ZP1: variants seen among roughly 807,000 people sequenced by gnomAD.
The protein encoded by ZP1 is zona pellucida glycoprotein 1, also known as zona pellucida sperm-binding protein 1.
A neutral mutation model predicts 67.4 loss-of-function variants in ZP1; 58 were observed. That is an observed-to-expected ratio of 0.86 (90% CI 0.70 to 1.07). The LOEUF is 1.07. Among genes scored for constraint, ZP1 ranks in the 50% least tolerant of loss-of-function variants. ZP1 has a pLI of 0.00. For missense variants in ZP1, 759 were observed against 807.3 expected (o/e 0.94, Z 0.72); for synonymous variants, 333 against 332.7 (o/e 1.00, Z -0.01).
Position 60,873,298 on chromosome 11 carries a change from T to C in ZP1, c.1240+9T>C, listed in dbSNP as rs1206019935. The C allele has an allele frequency of 6.3e-7, 1 of 1,582,510 alleles. No individual in the cohort carries two copies. The highest frequency in any genetic ancestry group is 8.6e-7 in the Non-Finnish European group (1 of 1,159,958). On this transcript the variant is annotated intron_variant, in intron 7 of 11. Transcript: ENST00000278853. The stretch of plus-strand genomic sequence containing the variant: ...GCTGCGGATTGCCAAAGGTATGCTA[T>C]GCTATCCCTGCTCTCTTCTGGCCCC...
chr11:60,874,575 G>T (rs111434902), intron 9 of ZP1, among the ~76,000 whole-genome samples: 1 of 152,222 alleles, frequency 6.6e-6, no homozygotes, highest in African/African-American at 2.4e-5. Flanking sequence ...CAGGTGGAAG[G>T]GAGAGAGCCA....
rs1472148386 is a variant in ZP1 at position 60,873,289 on chromosome 11, G to T, written c.1240G>T (p.Asp414Tyr). 1.3e-6 allele frequency: 2 copies of T among 1,582,966 alleles called. No homozygotes were observed. The highest frequency in any genetic ancestry group is 2.3e-5 in the East Asian group (1 of 44,430). The change falls in exon 7 of 12, where the codon GAC (aspartate) becomes TAC (tyrosine). Residue 414 changes from aspartate (D) to tyrosine (Y), a missense_variant and splice_region_variant. Transcript: ENST00000278853. ...GCGGCTTGAGCTGCGGATTGCCAAA[G>T]GTATGCTATGCTATCCCTGCTCTCT... Reference protein sequence around the residue: ...PLRLELRIAKDETFSSYYGED... With the variant: ...PLRLELRIAKYETFSSYYGED...
intron 9 of ZP1, among the ~76,000 whole-genome samples, chr11:60,874,479 G>C (rs1045468289): frequency 3.9e-5 from 6 of 152,190 alleles, no homozygotes; most frequent in African/African-American, 1.4e-4. Context: ...TGGTCTCCAG[G>C]GGTCACAAAG....
rs1855680767 is a variant in ZP1, at chr11:60,875,250, T to C, written c.1774+2T>C. 6.2e-7 allele frequency: 1 copy of C among 1,610,074 alleles called. No homozygotes were observed. Among genetic ancestry groups the C allele is most frequent in the Non-Finnish European group, 8.5e-7 (1 of 1,179,446 alleles). ...AGGAGCCCACACTTGGGCCCACAGG[T>C]AGGAGGGCTTCTGGGTGGGCCCCTC... On this transcript the variant is annotated splice_donor_variant, in intron 11 of 11. Coordinates refer to ENST00000278853, the MANE Select transcript of ZP1 (RefSeq NM_207341.4). LOFTEE classifies it high-confidence loss of function.
chr11:60,868,424 G>C (rs1029232871), intron 1 of ZP1, among the ~76,000 whole-genome samples: 4 of 152,344 alleles, frequency 2.6e-5, no homozygotes, highest in Non-Finnish European at 5.9e-5. Context: ...GCAGGACCTA[G>C]TAGGCGTGGC....
rs757136697 is a variant in ZP1, at chr11:60,871,099, C to T, written c.969C>T (p.Phe323=). The change falls in exon 5 of 12, where the codon TTC becomes TTT. Residue 323 remains phenylalanine (F), a synonymous_variant. Transcript: ENST00000278853. ...CCCCAACACAGCACACGGAAGCTTT[C>T]GTGGTCTTCTACTTCCCTCTCACCC... ...SCSPTQHTEA[F]VVFYFPLTHC... is the part of the protein sequence containing the mutation. 109 of 1,614,076 alleles carry T rather than the reference C, an allele frequency of 6.8e-5. No individual in the cohort carries two copies. Among genetic ancestry groups the T allele is most frequent in the South Asian group, 1.8e-4 (16 of 91,080 alleles).
In ZP1 at chr11:60,869,016, C is replaced by T. The variant is rs148036719; in HGVS notation, c.197-129C>T. On this transcript the variant is annotated intron_variant, in intron 1 of 11. Transcript: ENST00000278853. ...AGGGGGCTTGCCCAAGACCACACAA[C>T]AAACTAATAGCAAAGCTAAGGCAAG... The T allele has an allele frequency of 1.1e-5, 12 of 1,138,280 alleles. No homozygotes were observed. In the Admixed American group the frequency reaches 2.8e-4, roughly 27 times the overall value. The allele number at this position is 1,138,280 out of a possible 1,614,324, so 70.5% of individuals were successfully genotyped here. A position where few individuals can be genotyped will look rare whatever the true frequency, so the allele number is the denominator to read the frequency against.
In ZP1 at chr11:60,870,417, G is replaced by C; in HGVS notation, c.768G>C (p.Gln256His). The C allele has an allele frequency of 6.2e-7, 1 of 1,613,460 alleles. No individual in the cohort carries two copies. The highest frequency in any genetic ancestry group is 8.5e-7 in the Non-Finnish European group (1 of 1,179,752). ...IVRRTSKEAC[Q>H]QAGCCYDNTR... ...GAAGAACTTCAAAAGAAGCCTGTCA[G>C]CAGGCTGGCTGCTGCTATGACAACA... Residue 256 changes from glutamine to histidine, a missense_variant, in exon 4 of 12, where the codon CAG becomes CAC. Transcript: ENST00000278853.
chr11:60,872,877 G>GC (rs954572963), intron 6 of ZP1, among the ~76,000 whole-genome samples: 75 of 152,274 alleles, frequency 4.9e-4, no homozygotes, highest in African/African-American at 1.5e-3. Context: ...CAAGGTGCCA[G>GC]CCCCCCGAGG....
rs780866828 is a variant in ZP1, at chr11:60,871,224, G to A, written c.1022G>A (p.Gly341Asp). 1.2e-6 allele frequency: 2 copies of A among 1,614,034 alleles called. No individual in the cohort carries two copies. ...AGCTGTCTCTTCCTACAGGTGGCTG[G>A]CGACCAGCTCATCTATGAGAACTGG... ...THCGTTMQVA[G>D]DQLIYENWLV... The change falls in exon 6 of 12, where the codon GGC (glycine) becomes GAC (aspartate). Residue 341 changes from glycine to aspartate, a missense_variant. Transcript: ENST00000278853.
intron 3 of ZP1, 110 bp downstream of exon 3, chr11:60,870,010 C>A: frequency 7.6e-7 from 1 of 1,320,846 alleles, no homozygotes; most frequent in Non-Finnish European, 1.0e-6. Context: ...TTGTTTTTTT[C>A]TTTTTTTAGA....
chr11:60,874,671 C>A (rs1393808677), intron 9 of ZP1, among the ~76,000 whole-genome samples: 1 of 152,242 alleles, frequency 6.6e-6, no homozygotes, highest in Non-Finnish European at 1.5e-5. Context: ...CGGTGGTCCC[C>A]GCCTGCAGGG....
intron 4 of ZP1, 85 bp downstream of exon 4, chr11:60,870,560 C>G: frequency 6.7e-7 from 1 of 1,502,674 alleles, no homozygotes; most frequent in South Asian, 1.4e-5. Context: ...GTGGAAACTG[C>G]TTCCTATCCT....
intron 5 of ZP1, 28 bp from the exon 6 acceptor site, chr11:60,871,189 A>G (rs964589635): frequency 6.2e-7 from 1 of 1,614,000 alleles, no homozygotes. Flanking sequence ...CCCACCAGAA[A>G]GCCTCACCCA....
chr11:60,873,581 TC>T lies in ZP1; in HGVS notation c.1430+23del, dbSNP rs759882388. ...GTCAGACGGGTGAGTGCCCCCACAC[TC>T]CCCCCACCTGCTCTGCCTCCTGTAA... On this transcript the variant is annotated intron_variant, in intron 8 of 11. Transcript: ENST00000278853. 7 of 1,611,948 alleles carry T rather than the reference TC, an allele frequency of 4.3e-6. No individual in the cohort carries two copies. Among genetic ancestry groups the T allele is most frequent in the East Asian group, 4.5e-5 (2 of 44,800 alleles).
intron 6 of ZP1, among the ~76,000 whole-genome samples, chr11:60,872,091 C>T (rs914727029): frequency 6.6e-6 from 1 of 152,166 alleles, no homozygotes; most frequent in South Asian, 2.1e-4. Context: ...CTCTAAGTAG[C>T]ACAGAGGTGG....
At chr11:60,872,603 G>A (rs1215764739) in intron 6 of ZP1, among the ~76,000 whole-genome samples, 1 of 152,224 alleles carries the variant, frequency 6.6e-6, no homozygotes, top group Non-Finnish European at 1.5e-5. Flanking sequence ...CAAGGACAAT[G>A]AAGACACAGG....
rs1418731349 is a variant in ZP1 at position 60,869,722 on chromosome 11, T to C, written c.504T>C (p.Ser168=). 4 of 1,613,628 alleles carry C rather than the reference T, an allele frequency of 2.5e-6. No homozygotes were observed. The highest frequency in any genetic ancestry group is 3.4e-6 in the Non-Finnish European group (4 of 1,179,774). ...TPQTLSFLPT[S]GHTSQGSGHA... is the part of the protein sequence containing the mutation. ...AAACCCTTTCCTTCCTCCCCACCTCTGGCCATACCTCCCAAGGCTCTGGCC... is the reference window on the plus strand; with the variant it reads ...AAACCCTTTCCTTCCTCCCCACCTCCGGCCATACCTCCCAAGGCTCTGGCC... Residue 168 remains serine (S), a synonymous_variant, in exon 3 of 12, where the codon TCT becomes TCC. Transcript: ENST00000278853.
At chr11:60,871,774 G>GT (rs1486483436) in intron 6 of ZP1, among the ~76,000 whole-genome samples, 3 of 152,222 alleles carry the variant, frequency 2.0e-5, no homozygotes, top group African/African-American at 7.2e-5. Flanking sequence ...GAGGAACTGG[G>GT]TGGGGGAGGA....
Sources: allele counts gnomAD v4.1 joint callset (sites outside exome capture counted in the v4.1 genomes callset), GRCh38; gene constraint gnomAD v4.1.1; transcripts MANE v1.5; gene names NCBI Gene and HGNC (gene_info 2026-07-23, HGNC 2026-07-21).